The following AUTS2 variants were observed in gnomAD, a reference collection of about 807,000 sequenced individuals.
The protein encoded by AUTS2 is autism susceptibility gene 2 protein.
In AUTS2, 17 loss-of-function variants were observed where a neutral mutation model predicts 112.4. The observed-to-expected ratio is 0.15, with a 90% CI of 0.10 to 0.23. AUTS2 has a LOEUF of 0.23. Ranked by LOEUF, AUTS2 falls within the 10% of genes least tolerant of loss-of-function variation. The pLI, the probability that AUTS2 is intolerant of heterozygous loss-of-function variation, is 1.00. For synonymous variants in AUTS2, 751 were observed against 702.7 expected, an observed-to-expected ratio of 1.07 and a Z score of -1.09; for missense variants, 1,510 against 1,701.6, an observed-to-expected ratio of 0.89 and a Z score of 1.98.
intron 1 of AUTS2, among the ~76,000 whole-genome samples, chr7:69,637,863 A>G (rs958864124): frequency 2.7e-4 from 41 of 152,168 alleles, no homozygotes; most frequent in African/African-American, 9.7e-4. Flanking sequence ...AACATTTGTT[A>G]TGCTGCTCAT....
chr7:69,860,577 C>A (rs190953022), intron 1 of AUTS2, among the ~76,000 whole-genome samples: 1 of 152,204 alleles, frequency 6.6e-6, no homozygotes, highest in Admixed American at 6.5e-5. Flanking sequence ...AGAGCTGGTC[C>A]GTCTGTCACT....
At chr7:69,880,857 T>C (rs971319821) in intron 1 of AUTS2, among the ~76,000 whole-genome samples, 1 of 152,154 alleles carries the variant, frequency 6.6e-6, no homozygotes, top group African/African-American at 2.4e-5. Flanking sequence ...AATTAAAGCC[T>C]GCAGCCCTTT....
intron 1 of AUTS2, among the ~76,000 whole-genome samples, chr7:69,876,364 A>ATATT (rs1217833422): frequency 5.2e-5 from 6 of 114,392 alleles, no homozygotes; most frequent in Admixed American, 9.9e-5. Context: ...ATATATATAT[A>ATATT]TATATATATA....
chr7:70,469,721 A>G (rs149257255), intron 5 of AUTS2, among the ~76,000 whole-genome samples: 8,292 of 152,032 alleles, frequency 0.055, 768 homozygotes, highest in African/African-American at 0.19. Context: ...GCTCACTGCA[A>G]CCTCCACCTC....
At chr7:70,619,916 T>C (rs1004721009) in intron 5 of AUTS2, among the ~76,000 whole-genome samples, 1 of 152,142 alleles carries the variant, frequency 6.6e-6, no homozygotes, top group Non-Finnish European at 1.5e-5. Flanking sequence ...GTTCAGGTAC[T>C]TGAGTCCCAG....
chr7:70,335,603 TA>T (rs1163294072), intron 4 of AUTS2, among the ~76,000 whole-genome samples: 2 of 152,224 alleles, frequency 1.3e-5, no homozygotes, highest in Admixed American at 1.3e-4. Flanking sequence ...GCTTTTTCAT[TA>T]GCGTACTTCA....
chr7:70,631,531 G>C lies in AUTS2; in HGVS notation c.691-67038G>C, dbSNP rs963254152. On this transcript the variant is annotated intron_variant, in intron 5 of 18. Transcript: ENST00000342771. This position sits in a 1 kb window ranked among gnomAD's most constrained non-coding sequence, Gnocchi z 4.5. ...GGGGTGGTCGCAACCTAGAATGTGG[G>C]CTGGAGAGCGCTGTCCCAGTGGTGG... Among the ~76,000 whole-genome samples, 3 of 152,088 alleles carry C rather than the reference G, an allele frequency of 2.0e-5. No individual in the cohort carries two copies. Among genetic ancestry groups the C allele is most frequent in the African/African-American group, 7.2e-5 (3 of 41,408 alleles).
intron 5 of AUTS2, chr7:70,436,135 G>A (rs1795884898): frequency 4.7e-6 from 1 of 215,022 alleles, no homozygotes; most frequent in African/African-American, 2.3e-5. Flanking sequence ...AAACTTGCTA[G>A]TTTGTGTTTA....
At position 69,744,961 on chromosome 7, in the gene AUTS2, G is replaced by A. The variant is rs144496224; in HGVS notation, c.309+144999G>A. 1.2e-3 allele frequency among the ~76,000 whole-genome samples: 177 copies of A among 152,314 alleles called. 1 individual carries two copies. In the East Asian group the frequency reaches 0.012, roughly 10 times the overall value. ...TGTTGTGCACCCAAGTGCTTCTCAA[G>A]GAATGTCTTTTTTGCAAAGTGCTGC... On this transcript the variant is annotated intron_variant, in intron 1 of 18. Coordinates refer to ENST00000342771, the MANE Select transcript of AUTS2 (RefSeq NM_015570.4).
chr7:69,974,306 CT>C (rs1289882812), intron 2 of AUTS2, among the ~76,000 whole-genome samples: 2 of 148,042 alleles, frequency 1.4e-5, no homozygotes, highest in Admixed American at 1.4e-4. Flanking sequence ...ATGTCTGTGT[CT>C]TTTTTCTGTG....
At chr7:70,018,238 T>G (rs541629328) in intron 2 of AUTS2, among the ~76,000 whole-genome samples, 1 of 152,222 alleles carries the variant, frequency 6.6e-6, no homozygotes, top group African/African-American at 2.4e-5. Flanking sequence ...TAACTACCAA[T>G]CCTCCATTTT....
chr7:70,053,836 C>T (rs1437857730), intron 2 of AUTS2, among the ~76,000 whole-genome samples: 1 of 152,054 alleles, frequency 6.6e-6, no homozygotes, highest in Non-Finnish European at 1.5e-5. Flanking sequence ...GAGTGAACCA[C>T]CACAGTCAGT....
At position 70,479,872 on chromosome 7, in the gene AUTS2, G is replaced by C. The variant is rs368259490; in HGVS notation, c.690+44091G>C. On this transcript the variant is annotated intron_variant, in intron 5 of 18. Transcript: ENST00000342771. Reference sequence around the variant, plus strand: ...AGGGCCCAGAGAAACCAAGGTGTGAGAGTGTGAAAGGTAAGTGCAGGACAG... The same window carrying C: ...AGGGCCCAGAGAAACCAAGGTGTGACAGTGTGAAAGGTAAGTGCAGGACAG... Among the ~76,000 whole-genome samples the C allele has an allele frequency of 3.2e-4, 48 of 152,332 alleles. 2 individuals are homozygous for C. The South Asian group carries it at 9.7e-3, about 31-fold the overall frequency.
chr7:70,486,024 TA>T (rs1797984397), intron 5 of AUTS2, among the ~76,000 whole-genome samples: 1 of 148,220 alleles, frequency 6.7e-6, no homozygotes, highest in Admixed American at 6.7e-5. Flanking sequence ...AATAAATAAA[TA>T]AATAAACCTA....
At position 70,329,099 on chromosome 7, in the gene AUTS2, G is replaced by A. The variant is rs144114809; in HGVS notation, c.661-106653G>A. 2.0e-5 allele frequency among the ~76,000 whole-genome samples: 3 copies of A among 152,242 alleles called. No individual in the cohort carries two copies. In the East Asian group the frequency reaches 5.8e-4, roughly 29 times the overall value. On this transcript the variant is annotated intron_variant, in intron 4 of 18. Transcript: ENST00000342771. ...TTTGGAGGTTCAGCCATGTATGTGTGTATAATTACTCCACTCCTTTTTATA... is the reference window on the plus strand; with the variant it reads ...TTTGGAGGTTCAGCCATGTATGTGTATATAATTACTCCACTCCTTTTTATA...
intron 1 of AUTS2, among the ~76,000 whole-genome samples, chr7:69,672,862 C>T (rs542724980): frequency 1.3e-5 from 2 of 152,284 alleles, no homozygotes; most frequent in South Asian, 4.1e-4. Flanking sequence ...TAGTTCTTTG[C>T]TGGAGAGGGC....
chr7:69,789,776 G>T (rs1789536919), intron 1 of AUTS2, among the ~76,000 whole-genome samples: 1 of 152,066 alleles, frequency 6.6e-6, no homozygotes, highest in African/African-American at 2.4e-5. Flanking sequence ...GTCTTGGGGG[G>T]ATGCCAGTTG....
chr7:70,118,332 C>A, intron 3 of AUTS2, 99 bp downstream of exon 3: 1 of 1,330,920 alleles, frequency 7.5e-7, no homozygotes, highest in Middle Eastern at 2.7e-4. Flanking sequence ...AACTTTCCCT[C>A]ATCTTTAGAA....
intron 1 of AUTS2, among the ~76,000 whole-genome samples, chr7:69,793,070 T>C (rs1789688656): frequency 6.6e-6 from 1 of 152,212 alleles, no homozygotes; most frequent in Non-Finnish European, 1.5e-5. Context: ...TTTTATTCTG[T>C]TTCCACTGGA....
Sources: gnomAD v4.1 joint callset for allele counts (sites outside exome capture counted in the v4.1 genomes callset) on GRCh38, gnomAD v4.1.1 for gene constraint, Gnocchi (gnomAD v3.1) non-coding constraint, MANE v1.5 for transcripts, NCBI Gene and HGNC (gene_info 2026-07-23, HGNC 2026-07-21) for gene names.